FAM167A: variants seen among roughly 807,000 people sequenced by gnomAD.
FAM167A encodes protein FAM167A.
A neutral mutation model predicts 14.9 loss-of-function variants in FAM167A; 23 were observed. That is an observed-to-expected ratio of 1.55 (90% CI 1.11 to 2.19). FAM167A has a LOEUF of 2.19. Ranked by LOEUF, FAM167A falls within the 30% of genes most tolerant of loss-of-function variation. The probability of loss-of-function intolerance (pLI) is 0.00; values close to 1 mark genes in which losing one functional copy is unlikely to be tolerated. For missense variants in FAM167A, 401 were observed against 281.5 expected, an observed-to-expected ratio of 1.42 and a Z score of -3.04; for synonymous variants, 174 against 117.7, an observed-to-expected ratio of 1.48 and a Z score of -3.10.
rs1286056410 is a variant in FAM167A at position 11,423,673 on chromosome 8, T to G, written c.*700A>C. On this transcript the variant is annotated 3_prime_UTR_variant, in exon 3 of 3. Transcript: ENST00000284486. ...AGATGCATGTGGCCAGGGGAGACAA[T>G]GGGGACATCTGTGCTTGTTGCACCC... 1.3e-5 allele frequency: 2 copies of G among 152,372 alleles called. No homozygotes were observed. Among genetic ancestry groups the G allele is most frequent in the Admixed American group, 1.3e-4 (2 of 15,298 alleles). The allele number at this position is 152,372 out of a possible 1,614,324, so 9.4% of individuals were successfully genotyped here. A position where few individuals can be genotyped will look rare whatever the true frequency, so the allele number is the denominator to read the frequency against.
intron 2 of FAM167A, among the ~76,000 whole-genome samples, chr8:11,435,827 TG>T (rs772037221): frequency 2.6e-5 from 4 of 152,372 alleles, no homozygotes; most frequent in South Asian, 2.1e-4. Context: ...CACACACTAC[TG>T]ATCATTTATG....
In FAM167A at chr8:11,444,018, G is replaced by A. The variant is rs1266264181; in HGVS notation, c.381+13C>T. ...CTCCTCTTTTCTGGGGATTCTTGGGGGCAGCCACTCACCAGTTCCTTCCTG... is the reference window on the plus strand; with the variant it reads ...CTCCTCTTTTCTGGGGATTCTTGGGAGCAGCCACTCACCAGTTCCTTCCTG... On this transcript the variant is annotated intron_variant, in intron 2 of 2. Transcript: ENST00000284486. 6.2e-7 allele frequency: 1 copy of A among 1,600,038 alleles called. No homozygotes were observed. The highest frequency in any genetic ancestry group is 8.5e-7 in the Non-Finnish European group (1 of 1,172,470).
chr8:11,463,160 G>A (rs2117151979), intron 1 of FAM167A, among the ~76,000 whole-genome samples: 1 of 152,324 alleles, frequency 6.6e-6, no homozygotes, highest in South Asian at 2.1e-4. Flanking sequence ...ACTTGATAAT[G>A]AGGCTGGCTT....
rs187133597 is a variant in FAM167A at position 11,443,838 on chromosome 8, G to A, written c.381+193C>T. The A allele has an allele frequency of 5.1e-4, 340 of 666,090 alleles. 3 individuals are homozygous for A. In the African/African-American group the frequency reaches 5.8e-3, roughly 11 times the overall value. The allele number at this position is 666,090 out of a possible 1,614,324, so 41.3% of individuals were successfully genotyped here. A position where few individuals can be genotyped will look rare whatever the true frequency, so the allele number is the denominator to read the frequency against. On this transcript the variant is annotated intron_variant, in intron 2 of 2. Coordinates refer to ENST00000284486, the MANE Select transcript of FAM167A (RefSeq NM_053279.3). ...CTGCAATTAGGGGCTGATGACACCT[G>A]GGTCCCCCCAGCCACATACAAATGA...
Position 11,428,014 on chromosome 8 carries a change from T to C in FAM167A, c.382-3378A>G, listed in dbSNP as rs532158033. On this transcript the variant is annotated intron_variant, in intron 2 of 2. Transcript: ENST00000284486. ...GGGGGTCAAACCTGCCTGAAAGATATTGTCTGCGAACACCCATTGCCTTAG... is the reference window on the plus strand; with the variant it reads ...GGGGGTCAAACCTGCCTGAAAGATACTGTCTGCGAACACCCATTGCCTTAG... Among the ~76,000 whole-genome samples the C allele has an allele frequency of 2.6e-5, 4 of 152,364 alleles. No individual in the cohort carries two copies. The South Asian group carries it at 6.2e-4, about 24-fold the overall frequency.
In FAM167A at chr8:11,424,352, T is replaced by C; in HGVS notation, c.*21A>G. 1 of 1,613,164 alleles carries C rather than the reference T, an allele frequency of 6.2e-7. No homozygotes were observed. The highest frequency in any genetic ancestry group is 1.1e-5 in the South Asian group (1 of 91,022). On this transcript the variant is annotated 3_prime_UTR_variant, in exon 3 of 3. Coordinates refer to ENST00000284486, the MANE Select transcript of FAM167A (RefSeq NM_053279.3). ...AGCCCAAGCCCTCCGCTCCAGCCCC[T>C]CCGCCCAGTCTGAGGGCTCCTCAGC...
At chr8:11,455,459 G>A (rs1490369394) in intron 1 of FAM167A, among the ~76,000 whole-genome samples, 1 of 146,882 alleles carries the variant, frequency 6.8e-6, no homozygotes, top group Non-Finnish European at 1.5e-5. Flanking sequence ...CTGCTCTGCT[G>A]GGTATGTGTG....
chr8:11,424,714 C>G, intron 2 of FAM167A, 78 bp from the exon 3 acceptor site: 2 of 1,552,216 alleles, frequency 1.3e-6, no homozygotes, highest in Non-Finnish European at 1.7e-6. Flanking sequence ...TTAGCAGGGC[C>G]CTGACTAATG....
intron 1 of FAM167A, among the ~76,000 whole-genome samples, chr8:11,458,636 C>T (rs533697482): frequency 2.5e-4 from 38 of 152,302 alleles, no homozygotes; most frequent in African/African-American, 8.4e-4. Context: ...AGAATATTTT[C>T]ATGGGATTTA....
At chr8:11,434,731 C>CA (rs1237698138) in intron 2 of FAM167A, 1 of 245,674 alleles carries the variant, frequency 4.1e-6, no homozygotes, top group Non-Finnish European at 8.1e-6. Flanking sequence ...CTCTGGGTTC[C>CA]AGTCCTAGTG....
chr8:11,472,440 T>TTC (rs890560197), upstream of FAM167A, among the ~76,000 whole-genome samples: 3 of 135,476 alleles, frequency 2.2e-5, no homozygotes, highest in African/African-American at 9.9e-5. Flanking sequence ...TTTTTGGGTT[T>TTC]TTTTTTTTTT....
upstream of FAM167A, among the ~76,000 whole-genome samples, chr8:11,468,522 C>A (rs1807857275): frequency 6.6e-6 from 1 of 152,224 alleles, no homozygotes; most frequent in Non-Finnish European, 1.5e-5. Context: ...TCCGGAAGGG[C>A]ATGAACCATG....
chr8:11,448,341 C>G (rs1436973470), intron 1 of FAM167A, among the ~76,000 whole-genome samples: 1 of 152,150 alleles, frequency 6.6e-6, no homozygotes, highest in African/African-American at 2.4e-5. Flanking sequence ...ATCAGGGATT[C>G]AATAAGGTTA....
intron 1 of FAM167A, among the ~76,000 whole-genome samples, chr8:11,457,179 C>A (rs1463131703): frequency 2.6e-5 from 4 of 151,696 alleles, no homozygotes; most frequent in Non-Finnish European, 5.9e-5. Context: ...GACAGCGCTC[C>A]TGGGGTTTTC....
chr8:11,462,007 G>A (rs181863979), intron 1 of FAM167A, among the ~76,000 whole-genome samples: 2 of 152,348 alleles, frequency 1.3e-5, no homozygotes, highest in East Asian at 3.9e-4. Context: ...GGCTTGGACT[G>A]CCCAGTGCAG....
chr8:11,424,050 A>G lies in FAM167A; in HGVS notation c.*323T>C, dbSNP rs976398282. 1 of 284,702 alleles carries G rather than the reference A, an allele frequency of 3.5e-6. No homozygotes were observed. Among genetic ancestry groups the G allele is most frequent in the Non-Finnish European group, 6.7e-6 (1 of 149,488 alleles). 17.6% of individuals were successfully genotyped at this position (284,702 alleles called of 1,614,324 possible). On this transcript the variant is annotated 3_prime_UTR_variant, in exon 3 of 3. Transcript: ENST00000284486. ...TTTGGGAATCCCAGTTCATAGCACC[A>G]GTGATTCCAGGAAACAGGAACGTGA...
At chr8:11,434,988 C>A in intron 2 of FAM167A, 1 of 455,364 alleles carries the variant, frequency 2.2e-6, no homozygotes, top group South Asian at 1.6e-5. Context: ...GGGTCCTCTG[C>A]ACCTCAGCTC....
At chr8:11,455,484 T>C (rs1402207134) in intron 1 of FAM167A, among the ~76,000 whole-genome samples, 2 of 118,924 alleles carry the variant, frequency 1.7e-5, no homozygotes, top group Non-Finnish European at 3.4e-5. Context: ...TGGGGAGTGG[T>C]TGCCCTGATG....
At position 11,422,609 on chromosome 8, in the gene FAM167A, C is replaced by T. The variant is rs1336961149; in HGVS notation, c.*1764G>A. The T allele has an allele frequency of 1.3e-5, 2 of 152,514 alleles. No individual in the cohort carries two copies. Among genetic ancestry groups the T allele is most frequent in the African/African-American group, 4.8e-5 (2 of 41,432 alleles). 9.4% of individuals were successfully genotyped at this position (152,514 alleles called of 1,614,324 possible). Reference sequence around the variant, plus strand: ...TGCCTACTTTGAAGGAGGCATAGAACTTCTGGCTCTTTGAAATTTTAAAAA... The same window carrying T: ...TGCCTACTTTGAAGGAGGCATAGAATTTCTGGCTCTTTGAAATTTTAAAAA... On this transcript the variant is annotated 3_prime_UTR_variant, in exon 3 of 3. Coordinates refer to ENST00000284486, the MANE Select transcript of FAM167A (RefSeq NM_053279.3).
Sources: gnomAD v4.1 joint callset for allele counts (sites outside exome capture counted in the v4.1 genomes callset) on GRCh38, gnomAD v4.1.1 for gene constraint, MANE v1.5 for transcripts, NCBI Gene and HGNC (gene_info 2026-07-23, HGNC 2026-07-21) for gene names.